CPAMD8: variants seen among roughly 807,000 people sequenced by gnomAD.
CPAMD8 encodes the protein C3 and PZP-like alpha-2-macroglobulin domain-containing protein 8.
CPAMD8 carries 146 observed loss-of-function variants against 224.7 expected under a neutral mutation model. The ratio of observed to expected loss-of-function variants is 0.65; its 90% CI spans 0.57 to 0.75. The LOEUF is 0.75. CPAMD8 is among the 30% of genes least tolerant of loss of function. The pLI, the probability that CPAMD8 is intolerant of heterozygous loss-of-function variation, is 0.00. For synonymous variants in CPAMD8, 966 were observed against 1,044.6 expected (o/e 0.92, Z 1.45); for missense variants, 2,301 against 2,537.5 (o/e 0.91, Z 2.00).
intron 18 of CPAMD8, among the ~76,000 whole-genome samples, chr19:16,959,558 C>T (rs1413284801): frequency 3.7e-4 from 50 of 135,754 alleles, no homozygotes; most frequent in Non-Finnish European, 5.7e-4. Flanking sequence ...TTTTTTTTTT[C>T]GAGATGGAGT....
At chr19:16,955,077 G>T (rs2054424459) in intron 19 of CPAMD8, among the ~76,000 whole-genome samples, 1 of 152,114 alleles carries the variant, frequency 6.6e-6, no homozygotes, top group African/African-American at 2.4e-5. Flanking sequence ...GCAGTGAGCC[G>T]AGATCGCACC....
At position 16,984,334 on chromosome 19, in the gene CPAMD8, G is replaced by A. The variant is rs868185879; in HGVS notation, c.1396-3648C>T. Among the ~76,000 whole-genome samples, 520 of 137,950 alleles carry A rather than the reference G, an allele frequency of 3.8e-3. 5 individuals carry two copies. The highest frequency in any genetic ancestry group is 0.014 in the African/African-American group (487 of 35,664). The allele number at this position is 137,950 out of a possible 152,430, so 90.5% of individuals were successfully genotyped here. Reference sequence around the variant, plus strand: ...ATCTCAAAAAAAAAAAAAAAAAAGAGAGAGAGAGAGAGAGAGAGAATGAAT... The same window carrying A: ...ATCTCAAAAAAAAAAAAAAAAAAGAAAGAGAGAGAGAGAGAGAGAATGAAT... On this transcript the variant is annotated intron_variant, in intron 13 of 41. Transcript: ENST00000443236.
intron 30 of CPAMD8, among the ~76,000 whole-genome samples, chr19:16,906,403 TTTCTTTCC>T (rs1170827563): frequency 0.056 from 4,315 of 77,584 alleles, 69 homozygotes; most frequent in Non-Finnish European, 0.065. Flanking sequence ...TCTTTCTTTC[TTTCTTTCC>T]TTCCTTCCTT....
At chr19:16,924,215 G>A (rs1228625230) in intron 26 of CPAMD8, among the ~76,000 whole-genome samples, 1 of 151,710 alleles carries the variant, frequency 6.6e-6, no homozygotes, top group African/African-American at 2.4e-5. Context: ...CCGGTTTGTG[G>A]CATTTTGTTG....
chr19:17,009,096 C>CA (rs11334335), intron 6 of CPAMD8: 6,705 of 583,828 alleles, frequency 0.011, 1 homozygote, highest in South Asian at 0.019. Flanking sequence ...GACTCCATTT[C>CA]AAAAAAAAAA....
intron 29 of CPAMD8, among the ~76,000 whole-genome samples, chr19:16,908,622 A>C (rs1459799111): frequency 6.6e-6 from 1 of 152,220 alleles, no homozygotes; most frequent in Non-Finnish European, 1.5e-5. Flanking sequence ...ATGGAACCAG[A>C]GTCTTCTGGT....
At chr19:16,957,820 C>G (rs1324081447) in intron 19 of CPAMD8, 33 bp downstream of exon 19, 1 of 1,611,686 alleles carries the variant, frequency 6.2e-7, no homozygotes, top group East Asian at 2.2e-5. Context: ...ACTCAACCGG[C>G]AAAGTCAGCG....
In CPAMD8 at chr19:16,993,568, C is replaced by G. The variant is rs370768920; in HGVS notation, c.1114G>C (p.Asp372His). 8 of 1,614,116 alleles carry G rather than the reference C, an allele frequency of 5.0e-6. No homozygotes were observed. The highest frequency in any genetic ancestry group is 6.8e-6 in the Non-Finnish European group (8 of 1,179,998). ...GTCACCCCCTCAGCTGGGCTGCCATCGGGGTAGGATAGCTCCACCTAGAAA... is the reference window on the plus strand; with the variant it reads ...GTCACCCCCTCAGCTGGGCTGCCATGGGGGTAGGATAGCTCCACCTAGAAA... The part of the protein sequence containing the change: ...YVGKVELSYP[D>H]GSPAEGVTVQ... The change falls in exon 12 of 42, where the codon GAT (aspartate) becomes CAT (histidine). Residue 372 changes from aspartate (D) to histidine (H), a missense_variant. By Grantham distance (81) the Asp-to-His change is moderately conservative. This residue lies in a region of CPAMD8 where 301 missense variants were observed against 406.6 expected (regional missense o/e 0.74). Coordinates refer to ENST00000443236, the MANE Select transcript of CPAMD8 (RefSeq NM_015692.5).
chr19:16,914,591 C>G, intron 28 of CPAMD8, 66 bp downstream of exon 28: 1 of 1,612,026 alleles, frequency 6.2e-7, no homozygotes, highest in South Asian at 1.1e-5. Flanking sequence ...TAGGAACAGG[C>G]AGGTCAGGGC....
rs751298259 is a variant in CPAMD8 at position 16,946,360 on chromosome 19, GGT to G, written c.2663-683_2663-682del. 9.2e-4 allele frequency among the ~76,000 whole-genome samples: 135 copies of G among 147,138 alleles called. 1 individual carries two copies. The highest frequency in any genetic ancestry group is 3.0e-3 in the African/African-American group (121 of 39,780). ...ATATGTATGTATGTCTACACGTGGGGGTGTGTGTGTGTGGATTTGTGTGTGTG... is the reference window on the plus strand; with the variant it reads ...ATATGTATGTATGTCTACACGTGGGGGTGTGTGTGTGGATTTGTGTGTGTG... On this transcript the variant is annotated intron_variant, in intron 21 of 41. Coordinates refer to ENST00000443236, the MANE Select transcript of CPAMD8 (RefSeq NM_015692.5).
At chr19:16,955,960 A>T (rs560231408) in intron 19 of CPAMD8, among the ~76,000 whole-genome samples, 5 of 152,260 alleles carry the variant, frequency 3.3e-5, no homozygotes, top group Non-Finnish European at 7.4e-5. Flanking sequence ...TACAGGCATA[A>T]GCCACCACAC....
chr19:17,026,463 G>T, intron 1 of CPAMD8, 88 bp downstream of exon 1: 2 of 1,325,308 alleles, frequency 1.5e-6, no homozygotes, highest in Non-Finnish European at 2.0e-6. Context: ...GTGTGGCCTT[G>T]GGCAGGTCGC....
intron 29 of CPAMD8, among the ~76,000 whole-genome samples, chr19:16,911,083 C>T (rs991220895): frequency 5.3e-5 from 8 of 152,192 alleles, no homozygotes; most frequent in Admixed American, 2.0e-4. Context: ...GCAGGTTTTG[C>T]CTCCTTTGGG....
chr19:16,962,306 C>T (rs949998179), intron 18 of CPAMD8, among the ~76,000 whole-genome samples: 3 of 152,070 alleles, frequency 2.0e-5, no homozygotes, highest in Non-Finnish European at 4.4e-5. Context: ...AAAGGTTAGA[C>T]GAATGGCTAA....
chr19:16,933,624 A>AAACC (rs1267326445), intron 23 of CPAMD8, among the ~76,000 whole-genome samples: 2 of 152,346 alleles, frequency 1.3e-5, no homozygotes, highest in East Asian at 1.9e-4. Flanking sequence ...ATGCAAGCTG[A>AAACC]AACCACAGGG....
Position 16,902,781 on chromosome 19 carries a change from T to G in CPAMD8, c.4553A>C (p.Gln1518Pro). 6.3e-7 allele frequency: 1 copy of G among 1,590,568 alleles called. No homozygotes were observed. Among genetic ancestry groups the G allele is most frequent in the Non-Finnish European group, 8.6e-7 (1 of 1,164,638 alleles). Residue 1518 changes from glutamine (Q) to proline (P), a missense_variant, in exon 35 of 42, where the codon CAG becomes CCG. This residue lies in a region of CPAMD8 where 1,709 missense variants were observed against 1,753.2 expected (regional missense o/e 0.97). Transcript: ENST00000443236. ...GGCAGGCATGGGGGGCGGGCGTCCC[T>G]GGGCCTCAGGCTCCTGGAGGCTTAC... ...LLVSLQEPEAQGRPPPMPASA... is the reference protein window; with the variant it reads ...LLVSLQEPEAPGRPPPMPASA...
chr19:16,997,065 C>T, intron 11 of CPAMD8, 46 bp downstream of exon 11: 1 of 1,237,432 alleles, frequency 8.1e-7, no homozygotes, highest in Non-Finnish European at 1.2e-6. Context: ...GTGGTGGTTT[C>T]ACGGTGGTCC....
chr19:16,963,385 T>C (rs1355632944), intron 18 of CPAMD8, among the ~76,000 whole-genome samples: 5 of 152,006 alleles, frequency 3.3e-5, no homozygotes, highest in Non-Finnish European at 7.4e-5. Flanking sequence ...AAGGCAGGGG[T>C]TGCAATCCTA....
intron 23 of CPAMD8, among the ~76,000 whole-genome samples, chr19:16,930,310 T>C (rs1387249158): frequency 1.3e-5 from 2 of 151,488 alleles, no homozygotes; most frequent in South Asian, 2.1e-4. Context: ...TCTCTGACAC[T>C]GAGACTTACC....
Sources: gnomAD v4.1 joint callset for allele counts (sites outside exome capture counted in the v4.1 genomes callset) on GRCh38, gnomAD v4.1.1 for gene constraint, gnomAD v4.1.1 regional missense constraint, MANE v1.5 for transcripts, NCBI Gene and HGNC (gene_info 2026-07-23, HGNC 2026-07-21) for gene names.